The following METTL25 variants were observed in gnomAD, a reference collection of about 807,000 sequenced individuals.
METTL25 encodes the protein probable methyltransferase-like protein 25.
A neutral mutation model predicts 71.6 loss-of-function variants in METTL25; 64 were observed. The ratio of observed to expected loss-of-function variants is 0.89; its 90% CI spans 0.73 to 1.10. The LOEUF is 1.10. Among genes scored for constraint, METTL25 ranks in the 50% least tolerant of loss-of-function variants. METTL25 has a pLI of 0.00. For missense variants in METTL25, 807 were observed against 707.0 expected, an observed-to-expected ratio of 1.14 and a Z score of -1.60; for synonymous variants, 287 against 250.3, an observed-to-expected ratio of 1.15 and a Z score of -1.38.
intron 7 of METTL25, 32 bp downstream of exon 7, chr12:82,434,756 AG>A (rs1453966589): frequency 1.3e-6 from 2 of 1,597,524 alleles, no homozygotes. Context: ...TGAACACGAC[AG>A]TTTTTCTCTC....
At chr12:82,476,921 G>T (rs569453273) in intron 10 of METTL25, among the ~76,000 whole-genome samples, 1 of 151,728 alleles carries the variant, frequency 6.6e-6, no homozygotes, top group Non-Finnish European at 1.5e-5. Context: ...TCTTAAAAAA[G>T]TATTATAAAT....
chr12:82,387,631 T>A (rs1173561153), intron 2 of METTL25, among the ~76,000 whole-genome samples: 1 of 151,874 alleles, frequency 6.6e-6, no homozygotes, highest in Admixed American at 6.6e-5. Context: ...AATAGTACAA[T>A]AGACCCTGTA....
chr12:82,474,224 C>T (rs1190853200), intron 9 of METTL25, among the ~76,000 whole-genome samples: 2 of 152,138 alleles, frequency 1.3e-5, no homozygotes, highest in Non-Finnish European at 2.9e-5. Flanking sequence ...TTCCCTGTAA[C>T]AGGAAGTTTC....
At chr12:82,451,234 ATCC>A in intron 8 of METTL25, 2 of 918,806 alleles carry the variant, frequency 2.2e-6, no homozygotes, top group Non-Finnish European at 2.6e-6. Context: ...TTCATGCAGT[ATCC>A]TCCTCTTTAA....
chr12:82,443,010 C>CA lies in METTL25; in HGVS notation c.1478+4229dup, dbSNP rs966609283. On this transcript the variant is annotated intron_variant, in intron 8 of 11. Transcript: ENST00000248306. ...ATATCTACAATGAGGGATCAAAAAACAAAAAAAAAAGCTAGAGAATAGAAA... is the reference window on the plus strand; with the variant it reads ...ATATCTACAATGAGGGATCAAAAAACAAAAAAAAAAAGCTAGAGAATAGAAA... 5.8e-3 allele frequency among the ~76,000 whole-genome samples: 801 copies of CA among 139,092 alleles called. 5 individuals are homozygous for CA. Among genetic ancestry groups the CA allele is most frequent in the Non-Finnish European group, 9.0e-3 (572 of 63,500 alleles). 91.2% of individuals were successfully genotyped at this position (139,092 alleles called of 152,430 possible).
chr12:82,470,013 G>A (rs1357394740), intron 9 of METTL25, among the ~76,000 whole-genome samples: 2 of 152,066 alleles, frequency 1.3e-5, no homozygotes, highest in Admixed American at 6.6e-5. Context: ...CAACATGAAC[G>A]CTTTAGAATT....
chr12:82,373,003 G>T (rs1038165597), intron 1 of METTL25, among the ~76,000 whole-genome samples: 1 of 152,164 alleles, frequency 6.6e-6, no homozygotes, highest in African/African-American at 2.4e-5. Flanking sequence ...GTCGGATTTA[G>T]TGGCCCTTAC....
intron 8 of METTL25, among the ~76,000 whole-genome samples, chr12:82,448,661 A>G (rs1433983144): frequency 6.6e-6 from 1 of 152,148 alleles, no homozygotes; most frequent in Non-Finnish European, 1.5e-5. Flanking sequence ...ATAATCAAAT[A>G]GGAAAGTGAT....
At chr12:82,369,009 C>T (rs1005759971) in intron 1 of METTL25, among the ~76,000 whole-genome samples, 8 of 152,180 alleles carry the variant, frequency 5.3e-5, no homozygotes, top group Non-Finnish European at 1.2e-4. Context: ...TTGGAATTTT[C>T]CCTCTACCCT....
At chr12:82,427,700 A>G (rs1889143033) in intron 5 of METTL25, among the ~76,000 whole-genome samples, 3 of 151,940 alleles carry the variant, frequency 2.0e-5, no homozygotes, top group South Asian at 2.1e-4. Flanking sequence ...TGTGTTAATT[A>G]GAACAGAGAT....
intron 4 of METTL25, among the ~76,000 whole-genome samples, chr12:82,401,397 A>G (rs1886612230): frequency 6.6e-6 from 1 of 152,094 alleles, no homozygotes; most frequent in Non-Finnish European, 1.5e-5. Context: ...GAATTTTATT[A>G]TATGGTAGTG....
chr12:82,424,173 T>C (rs190629363), intron 5 of METTL25, among the ~76,000 whole-genome samples: 96 of 152,282 alleles, frequency 6.3e-4, no homozygotes, highest in African/African-American at 2.3e-3. Context: ...TAAGAAAATG[T>C]GGCACATACA....
intron 5 of METTL25, among the ~76,000 whole-genome samples, chr12:82,404,808 G>A (rs1053958572): frequency 1.3e-5 from 2 of 152,088 alleles, no homozygotes; most frequent in Admixed American, 6.6e-5. Flanking sequence ...GCTGGCCATG[G>A]TGGTGGACGC....
At chr12:82,411,552 T>A (rs1363467304) in intron 5 of METTL25, among the ~76,000 whole-genome samples, 2 of 150,834 alleles carry the variant, frequency 1.3e-5, no homozygotes, top group Non-Finnish European at 3.0e-5. Flanking sequence ...TTATAAATGG[T>A]AAGAAAAAAA....
At chr12:82,374,493 T>C (rs1267157672) in intron 1 of METTL25, among the ~76,000 whole-genome samples, 1 of 152,056 alleles carries the variant, frequency 6.6e-6, no homozygotes, top group Non-Finnish European at 1.5e-5. Context: ...CACAGAGTGC[T>C]GATTGGTGTG....
rs747203499 is a variant in METTL25 at position 82,434,716 on chromosome 12, G to A, written c.1396G>A (p.Gly466Ser). ...ACLALERVAA[G>S]QGLPTESLFY... Reference sequence around the variant, plus strand: ...TAAGGCATTGGAGCGGGTTGCAGCTGGCCAAGGGGTAAGTAAGAGTGTTAA... The same window carrying A: ...TAAGGCATTGGAGCGGGTTGCAGCTAGCCAAGGGGTAAGTAAGAGTGTTAA... The change falls in exon 7 of 12, where the codon GGC becomes AGC. Residue 466 changes from glycine to serine, a missense_variant. Transcript: ENST00000248306. The A allele has an allele frequency of 6.2e-7, 1 of 1,609,312 alleles. No homozygotes were observed. The highest frequency in any genetic ancestry group is 8.5e-7 in the Non-Finnish European group (1 of 1,176,816).
rs1565820545 is a variant in METTL25 at position 82,389,912 on chromosome 12, G to C, written c.521G>C (p.Gly174Ala). ...ATCAGCAGTATTGCTGACTACTATG[G>C]AATAAAGCAGGTAAGAGTATTTCCG... is the stretch of plus-strand genomic sequence containing the variant. ...ELISSIADYY[G>A]IKQVIDLGSG... The change falls in exon 3 of 12, where the codon GGA becomes GCA. Residue 174 changes from glycine to alanine, a missense_variant. By Grantham distance (60) the Gly-to-Ala change is moderately conservative. Transcript: ENST00000248306. The C allele has an allele frequency of 6.5e-7, 1 of 1,538,050 alleles. No individual in the cohort carries two copies. Among genetic ancestry groups the C allele is most frequent in the Non-Finnish European group, 9.0e-7 (1 of 1,115,094 alleles).
chr12:82,417,659 T>A (rs1888103809), intron 5 of METTL25, among the ~76,000 whole-genome samples: 1 of 152,164 alleles, frequency 6.6e-6, no homozygotes, highest in Non-Finnish European at 1.5e-5. Flanking sequence ...TACTTTTGAA[T>A]GAGAAGTGGA....
intron 3 of METTL25, among the ~76,000 whole-genome samples, 172 bp from the exon 4 acceptor site, chr12:82,398,623 T>C (rs1886292839): frequency 6.6e-6 from 1 of 152,096 alleles, no homozygotes; most frequent in Admixed American, 6.6e-5. Flanking sequence ...AGCTAGAACC[T>C]CCAGTAAAAT....
Sources: gnomAD v4.1 joint callset for allele counts (sites outside exome capture counted in the v4.1 genomes callset) on GRCh38, gnomAD v4.1.1 for gene constraint, MANE v1.5 for transcripts, NCBI Gene and HGNC (gene_info 2026-07-23, HGNC 2026-07-21) for gene names.